CDS1: variants seen among roughly 807,000 people sequenced by gnomAD.
The protein encoded by CDS1 is phosphatidate cytidylyltransferase 1.
Under a neutral mutation model 62.1 loss-of-function variants are expected in CDS1, and 41 were observed. The ratio of observed to expected loss-of-function variants is 0.66; its 90% confidence interval spans 0.51 to 0.86. The LOEUF (loss-of-function observed/expected upper bound fraction) is 0.86, where lower values mean the gene tolerates loss of function less well. CDS1 is among the 40% of genes least tolerant of loss of function. The pLI is 0.00. For missense variants in CDS1, 470 were observed against 550.1 expected, an observed-to-expected ratio of 0.85 and a Z score of 1.46; for synonymous variants, 185 against 192.6, an observed-to-expected ratio of 0.96 and a Z score of 0.32.
intron 3 of CDS1, among the ~76,000 whole-genome samples, chr4:84,609,831 C>A (rs1321305615): frequency 6.6e-6 from 1 of 152,018 alleles, no homozygotes; most frequent in East Asian, 1.9e-4. Flanking sequence ...CAAAAAAACA[C>A]AAGCCTGAGA....
intron 1 of CDS1, among the ~76,000 whole-genome samples, chr4:84,596,216 A>G (rs1248252377): frequency 6.6e-6 from 1 of 152,224 alleles, no homozygotes; most frequent in Non-Finnish European, 1.5e-5. Flanking sequence ...AGAGTTGCAC[A>G]AAATGGGCTG....
At position 84,586,598 on chromosome 4, in the gene CDS1, G is replaced by A. The variant is rs1722430874; in HGVS notation, c.117+3080G>A. On this transcript the variant is annotated intron_variant, in intron 1 of 12. Transcript: ENST00000295887. Reference sequence around the variant, plus strand: ...TGTAAATACAGAGGAAGCTTCACTCGCAGACCACTCACCTGCTCTGCAGCC... The same window carrying A: ...TGTAAATACAGAGGAAGCTTCACTCACAGACCACTCACCTGCTCTGCAGCC... Among the ~76,000 whole-genome samples, 6 of 152,290 alleles carry A rather than the reference G, an allele frequency of 3.9e-5. No homozygotes were observed. The East Asian group carries it at 7.7e-4, about 20-fold the overall frequency.
chr4:84,594,451 T>A (rs1002635388), intron 1 of CDS1, among the ~76,000 whole-genome samples: 8 of 152,196 alleles, frequency 5.3e-5, no homozygotes, highest in African/African-American at 7.2e-5. Context: ...TTTATAGATA[T>A]ACATTTTTTT....
intron 5 of CDS1, among the ~76,000 whole-genome samples, chr4:84,628,824 T>G (rs559558850): frequency 2.0e-5 from 3 of 152,206 alleles, no homozygotes; most frequent in Non-Finnish European, 4.4e-5. Flanking sequence ...CATGGGACAC[T>G]GCACCTGGAT....
At chr4:84,636,896 A>G (rs1272784984) in intron 8 of CDS1, among the ~76,000 whole-genome samples, 1 of 152,208 alleles carries the variant, frequency 6.6e-6, no homozygotes, top group Non-Finnish European at 1.5e-5. Context: ...AGTTTTTAAT[A>G]ATGTTCTCAC....
intron 1 of CDS1, among the ~76,000 whole-genome samples, chr4:84,596,066 C>G (rs1222317891): frequency 6.6e-6 from 1 of 152,056 alleles, no homozygotes; most frequent in Admixed American, 6.6e-5. Flanking sequence ...TGGCCCGATT[C>G]CATTTGGGGA....
At chr4:84,590,871 A>G (rs908377969) in intron 1 of CDS1, among the ~76,000 whole-genome samples, 5 of 152,184 alleles carry the variant, frequency 3.3e-5, no homozygotes, top group Admixed American at 6.5e-5. Context: ...TACAATGTCT[A>G]GTATATGGTA....
At position 84,583,536 on chromosome 4, in the gene CDS1, A is replaced by C. The variant is rs1172349512; in HGVS notation, c.117+18A>C. 4 of 1,435,140 alleles carry C rather than the reference A, an allele frequency of 2.8e-6. No homozygotes were observed. The highest frequency in any genetic ancestry group is 3.7e-6 in the Non-Finnish European group (4 of 1,068,042). 88.9% of individuals were successfully genotyped at this position (1,435,140 alleles called of 1,614,324 possible). ...GCGACAAAGTAAGTGGAGCCGAGAG[A>C]GGCGGACGCCGCGCCCTGGCTGGGT... On this transcript the variant is annotated intron_variant, in intron 1 of 12. Transcript: ENST00000295887.
intron 12 of CDS1, among the ~76,000 whole-genome samples, chr4:84,646,248 A>T (rs111778189): frequency 5.9e-5 from 9 of 152,294 alleles, no homozygotes; most frequent in African/African-American, 2.2e-4. Flanking sequence ...TAGCGAGTTT[A>T]TCAATTTCAT....
At position 84,589,904 on chromosome 4, in the gene CDS1, G is replaced by A. The variant is rs552346977; in HGVS notation, c.117+6386G>A. On this transcript the variant is annotated intron_variant, in intron 1 of 12. Transcript: ENST00000295887. ...CGGCTCACTGCAAGCTCTGCCTCCC[G>A]GGTTCACGCCATTCTTCTGCCTCAG... 1.4e-4 allele frequency among the ~76,000 whole-genome samples: 22 copies of A among 152,210 alleles called. 1 individual carries two copies. In the South Asian group the frequency reaches 3.9e-3, roughly 27 times the overall value.
At chr4:84,589,707 C>G (rs1335974446) in intron 1 of CDS1, among the ~76,000 whole-genome samples, 1 of 152,176 alleles carries the variant, frequency 6.6e-6, no homozygotes, top group East Asian at 1.9e-4. Context: ...TTTTAGCTTA[C>G]TGCAGTGAGG....
intron 5 of CDS1, among the ~76,000 whole-genome samples, chr4:84,624,621 C>A (rs1043809981): frequency 9.2e-5 from 14 of 152,150 alleles, no homozygotes; most frequent in African/African-American, 3.4e-4. Context: ...TGATATACAG[C>A]AATAGCTGAG....
intron 2 of CDS1, among the ~76,000 whole-genome samples, chr4:84,606,094 C>A (rs2110048594): frequency 6.6e-6 from 1 of 151,974 alleles, no homozygotes; most frequent in Non-Finnish European, 1.5e-5. Flanking sequence ...TACATGTAAT[C>A]TGTTTTATAC....
chr4:84,647,721 T>C (rs1724598744), intron 12 of CDS1, among the ~76,000 whole-genome samples: 1 of 152,228 alleles, frequency 6.6e-6, no homozygotes, highest in South Asian at 2.1e-4. Context: ...TTGTGCAATT[T>C]GTTAAGTCAA....
chr4:84,601,616 A>G (rs1034100575), intron 1 of CDS1, among the ~76,000 whole-genome samples: 5 of 152,248 alleles, frequency 3.3e-5, no homozygotes, highest in South Asian at 2.1e-4. Context: ...TCTTGTAAAC[A>G]TTTTAAATGC....
intron 2 of CDS1, among the ~76,000 whole-genome samples, chr4:84,605,705 A>C (rs1369793599): frequency 2.6e-5 from 4 of 152,164 alleles, no homozygotes; most frequent in African/African-American, 9.7e-5. Context: ...TGTGTCATTC[A>C]TAATAAGATC....
chr4:84,629,357 GA>G lies in CDS1; in HGVS notation c.581-2447del, dbSNP rs1405575771. On this transcript the variant is annotated intron_variant, in intron 5 of 12. Coordinates refer to ENST00000295887, the MANE Select transcript of CDS1 (RefSeq NM_001263.4). ...ACCAACTGTGGATTGAAAATACTCT[GA>G]AAAAAAAAAAAAAACCACAATGGAT... Among the ~76,000 whole-genome samples, 832 of 112,258 alleles carry G rather than the reference GA, an allele frequency of 7.4e-3. 6 individuals are homozygous for G. Among genetic ancestry groups the G allele is most frequent in the African/African-American group, 0.019 (593 of 31,174 alleles). The allele number at this position is 112,258 out of a possible 152,430, so 73.6% of individuals were successfully genotyped here.
intron 1 of CDS1, among the ~76,000 whole-genome samples, chr4:84,599,436 A>ATGTG (rs1722865209): frequency 5.1e-5 from 4 of 79,066 alleles, no homozygotes; most frequent in African/African-American, 2.1e-4. Flanking sequence ...ATATATATAT[A>ATGTG]TATATATATA....
At chr4:84,606,692 T>TC (rs1278814131) in intron 2 of CDS1, among the ~76,000 whole-genome samples, 6 of 152,170 alleles carry the variant, frequency 3.9e-5, no homozygotes, top group Non-Finnish European at 8.8e-5. Flanking sequence ...TCCCTTACTT[T>TC]TTTTTTAAAA....
Sources: allele counts gnomAD v4.1 joint callset (sites outside exome capture counted in the v4.1 genomes callset), GRCh38; gene constraint gnomAD v4.1.1; transcripts MANE v1.5; gene names NCBI Gene and HGNC (gene_info 2026-07-23, HGNC 2026-07-21).